The following PEX13 variants were observed in gnomAD, a reference collection of about 807,000 sequenced individuals.
The protein encoded by PEX13 is peroxisome biogenesis factor 13.
PEX13 carries 28 observed loss-of-function variants against 34.5 expected under a neutral mutation model. The ratio of observed to expected loss-of-function variants is 0.81; its 90% confidence interval spans 0.60 to 1.11. PEX13 has a LOEUF of 1.11. Among genes scored for constraint, PEX13 ranks in the 50% most tolerant of loss-of-function variants. The pLI, the probability that PEX13 is intolerant of heterozygous loss-of-function variation, is 0.00. For missense variants in PEX13, 550 were observed against 491.0 expected, an observed-to-expected ratio of 1.12 and a Z score of -1.13; for synonymous variants, 177 against 175.1, an observed-to-expected ratio of 1.01 and a Z score of -0.09.
At chr2:61,029,692 A>G (rs1271743035) in intron 1 of PEX13, among the ~76,000 whole-genome samples, 2 of 152,152 alleles carry the variant, frequency 1.3e-5, no homozygotes, top group East Asian at 3.8e-4. Context: ...AACACCTGTT[A>G]TCCTGACATT....
rs752312334 is a variant in PEX13, at chr2:61,031,583, G to A, written c.257G>A (p.Gly86Glu). ...SSFSSGYGAY[G>E]NSFYGGYSPY... ...TTTTCTTCTGGATATGGTGCCTATG[G>A]AAATTCATTTTATGGAGGCTATAGT... Residue 86 changes from glycine (G) to glutamate (E), a missense_variant, in exon 2 of 4, where the codon GGA becomes GAA. Coordinates refer to ENST00000295030, the MANE Select transcript of PEX13 (RefSeq NM_002618.4). The A allele has an allele frequency of 4.3e-6, 7 of 1,613,996 alleles. No individual in the cohort carries two copies. The highest frequency in any genetic ancestry group is 5.9e-6 in the Non-Finnish European group (7 of 1,180,034).
chr2:61,045,017 A>T (rs1056293610), intron 2 of PEX13, among the ~76,000 whole-genome samples: 5 of 152,226 alleles, frequency 3.3e-5, no homozygotes, highest in Non-Finnish European at 7.3e-5. Flanking sequence ...TTCATTTGGA[A>T]GTGATTAATC....
chr2:61,034,738 T>C (rs1233551224), intron 2 of PEX13, among the ~76,000 whole-genome samples: 1 of 152,248 alleles, frequency 6.6e-6, no homozygotes, highest in Non-Finnish European at 1.5e-5. Context: ...CCAGCAACGC[T>C]GCAGCTTGAT....
At chr2:61,020,773 G>A (rs754489007) in intron 1 of PEX13, among the ~76,000 whole-genome samples, 1 of 152,096 alleles carries the variant, frequency 6.6e-6, no homozygotes, top group Non-Finnish European at 1.5e-5. Context: ...TCCTGCCTCA[G>A]TCTCCCGGAC....
rs187137423 is a variant in PEX13 at position 61,018,151 on chromosome 2, C to T, written c.92+300C>T. On this transcript the variant is annotated intron_variant, in intron 1 of 3. Coordinates refer to ENST00000295030, the MANE Select transcript of PEX13 (RefSeq NM_002618.4). Reference sequence around the variant, plus strand: ...GCTTCCTACCTACCGCTTCTGTTTTCACTTTGACAGAATGGCTTCTCTATC... The same window carrying T: ...GCTTCCTACCTACCGCTTCTGTTTTTACTTTGACAGAATGGCTTCTCTATC... 1.1e-4 allele frequency: 168 copies of T among 1,550,614 alleles called. No individual in the cohort carries two copies. In the African/African-American group the frequency reaches 2.1e-3, roughly 19 times the overall value.
At chr2:61,027,361 A>G (rs1017823928) in intron 1 of PEX13, among the ~76,000 whole-genome samples, 1 of 151,030 alleles carries the variant, frequency 6.6e-6, no homozygotes, top group Admixed American at 6.6e-5. Context: ...AACAAAACAC[A>G]CACACACACA....
In PEX13 at chr2:61,051,780, T is replaced by C. The variant is rs193264152; in HGVS notation, c.*3010T>C. The C allele has an allele frequency of 1.2e-4, 19 of 152,446 alleles. No individual in the cohort carries two copies. The highest frequency in any genetic ancestry group is 4.6e-4 in the African/African-American group (19 of 41,572). 9.4% of individuals were successfully genotyped at this position (152,446 alleles called of 1,614,324 possible). A position where few individuals can be genotyped will look rare whatever the true frequency, so the allele number is the denominator to read the frequency against. On this transcript the variant is annotated 3_prime_UTR_variant, in exon 4 of 4. Coordinates refer to ENST00000295030, the MANE Select transcript of PEX13 (RefSeq NM_002618.4). Reference sequence around the variant, plus strand: ...TTTTATGAGTTCAGAAAGGAAATGGTAAAAGAACTATACATTTTCATGTTT... The same window carrying C: ...TTTTATGAGTTCAGAAAGGAAATGGCAAAAGAACTATACATTTTCATGTTT...
At chr2:61,022,209 G>T (rs1680275689) in intron 1 of PEX13, among the ~76,000 whole-genome samples, 1 of 152,186 alleles carries the variant, frequency 6.6e-6, no homozygotes, top group Non-Finnish European at 1.5e-5. Flanking sequence ...GGCTTCAGAA[G>T]GTCGGCAATA....
At chr2:61,037,109 C>G (rs1680548763) in intron 2 of PEX13, among the ~76,000 whole-genome samples, 2 of 152,180 alleles carry the variant, frequency 1.3e-5, no homozygotes, top group South Asian at 4.1e-4. Context: ...TACAGGAGCA[C>G]CCAGATTCAT....
intron 2 of PEX13, among the ~76,000 whole-genome samples, chr2:61,040,200 CT>C: frequency 6.6e-6 from 1 of 152,128 alleles, no homozygotes; most frequent in East Asian, 1.9e-4. Flanking sequence ...GGATCTAGAA[CT>C]AGAAATACCG....
Position 61,048,808 on chromosome 2 carries a change from G to A in PEX13, c.*38G>A. On this transcript the variant is annotated 3_prime_UTR_variant, in exon 4 of 4. Transcript: ENST00000295030. ...TTGCCTGCAGTTGAACAATACTTTA[G>A]AGTACTTTTTAAAATTATTTCTCAC... 6.7e-7 allele frequency: 1 copy of A among 1,491,536 alleles called. No homozygotes were observed. The highest frequency in any genetic ancestry group is 9.3e-7 in the Non-Finnish European group (1 of 1,070,004). 92.4% of individuals were successfully genotyped at this position (1,491,536 alleles called of 1,614,324 possible).
chr2:61,036,326 T>C (rs1333228635), intron 2 of PEX13, among the ~76,000 whole-genome samples: 2 of 152,014 alleles, frequency 1.3e-5, no homozygotes, highest in Non-Finnish European at 2.9e-5. Flanking sequence ...AGACACATAA[T>C]TGTCAGATTC....
In PEX13 at chr2:61,048,738, A is replaced by G; in HGVS notation, c.1180A>G (p.Ile394Val). The G allele has an allele frequency of 1.9e-6, 3 of 1,614,046 alleles. No homozygotes were observed. Among genetic ancestry groups the G allele is most frequent in the African/African-American group, 1.3e-5 (1 of 75,068 alleles). ...TNKVPVAPDSIGKDGEKQDL is the reference protein window; with the variant it reads ...TNKVPVAPDSVGKDGEKQDL Reference sequence around the variant, plus strand: ...TAAGGTTCCAGTTGCACCTGATTCCATTGGGAAAGATGGAGAAAAGCAAGA... The same window carrying G: ...TAAGGTTCCAGTTGCACCTGATTCCGTTGGGAAAGATGGAGAAAAGCAAGA... Residue 394 changes from isoleucine to valine, a missense_variant, in exon 4 of 4, where the codon ATT becomes GTT. Ile to Val is a conservative substitution (Grantham distance 29). Coordinates refer to ENST00000295030, the MANE Select transcript of PEX13 (RefSeq NM_002618.4).
At chr2:61,034,527 G>A (rs753457221) in intron 2 of PEX13, among the ~76,000 whole-genome samples, 7 of 152,296 alleles carry the variant, frequency 4.6e-5, no homozygotes, top group East Asian at 1.9e-4. Flanking sequence ...GGAAGCACAA[G>A]GGGTCAGGGG....
intron 2 of PEX13, among the ~76,000 whole-genome samples, chr2:61,038,904 A>G (rs949633487): frequency 1.3e-5 from 2 of 152,264 alleles, no homozygotes; most frequent in Non-Finnish European, 2.9e-5. Flanking sequence ...CAACCTCAGC[A>G]AAGTATCAGG....
At position 61,031,853 on chromosome 2, in the gene PEX13, C is replaced by A; in HGVS notation, c.527C>A (p.Thr176Lys). The change falls in exon 2 of 4, where the codon ACA becomes AAA. Residue 176 changes from threonine (T) to lysine (K), a missense_variant. Thr to Lys is a moderately conservative substitution (Grantham distance 78). Coordinates refer to ENST00000295030, the MANE Select transcript of PEX13 (RefSeq NM_002618.4). ...NHFSRLKIHFTKVFSAFALVR... is the reference protein window; with the variant it reads ...NHFSRLKIHFKKVFSAFALVR... ...TTTTCCCGATTGAAAATACACTTTA[C>A]AAAAGTGTTTTCAGCTTTTGCATTG... is the stretch of plus-strand genomic sequence containing the variant. 1.9e-6 allele frequency: 3 copies of A among 1,610,956 alleles called. No individual in the cohort carries two copies. The highest frequency in any genetic ancestry group is 2.5e-6 in the Non-Finnish European group (3 of 1,177,096).
rs942770405 is a variant in PEX13 at position 61,050,001 on chromosome 2, A to G, written c.*1231A>G. Reference sequence around the variant, plus strand: ...ATTCCATATTTAGGATGCTCTGTAAATATTGAAAATGTGTCACATTGGATA... The same window carrying G: ...ATTCCATATTTAGGATGCTCTGTAAGTATTGAAAATGTGTCACATTGGATA... On this transcript the variant is annotated 3_prime_UTR_variant, in exon 4 of 4. Coordinates refer to ENST00000295030, the MANE Select transcript of PEX13 (RefSeq NM_002618.4). 2 of 152,264 alleles carry G rather than the reference A, an allele frequency of 1.3e-5. No individual in the cohort carries two copies. Among genetic ancestry groups the G allele is most frequent in the Non-Finnish European group, 1.5e-5 (1 of 68,022 alleles). 9.4% of individuals were successfully genotyped at this position (152,264 alleles called of 1,614,324 possible).
At chr2:61,027,347 A>AC (rs1680375477) in intron 1 of PEX13, among the ~76,000 whole-genome samples, 1 of 151,128 alleles carries the variant, frequency 6.6e-6, no homozygotes, top group Middle Eastern at 3.4e-3. Flanking sequence ...TCAAAAAAAA[A>AC]AAAAACAAAA....
chr2:61,018,038 T>C (rs1680130262), intron 1 of PEX13, 187 bp downstream of exon 1: 2 of 1,444,936 alleles, frequency 1.4e-6, no homozygotes, highest in African/African-American at 1.4e-5. Flanking sequence ...CACAGCTGTT[T>C]CTGACCCGGC....
Sources: gnomAD v4.1 joint callset for allele counts (sites outside exome capture counted in the v4.1 genomes callset) on GRCh38, gnomAD v4.1.1 for gene constraint, MANE v1.5 for transcripts, NCBI Gene and HGNC (gene_info 2026-07-23, HGNC 2026-07-21) for gene names.